The following ACTR2 variants were observed in gnomAD, a reference collection of about 807,000 sequenced individuals.
The protein encoded by ACTR2 is actin-related protein 2.
Under a neutral mutation model 50.2 loss-of-function variants are expected in ACTR2, and 5 were observed. The observed-to-expected ratio is 0.10, with a 90% CI of 0.05 to 0.21. The LOEUF (loss-of-function observed/expected upper bound fraction) is 0.21. ACTR2 is among the 10% of genes least tolerant of loss of function. The probability of loss-of-function intolerance (pLI) is 1.00; values close to 1 mark genes in which losing one functional copy is unlikely to be tolerated. For missense variants in ACTR2, 180 were observed against 480.6 expected (o/e 0.37, Z 5.85); for synonymous variants, 140 against 162.9 (o/e 0.86, Z 1.07).
At chr2:65,233,791 A>G (rs1484127035) in intron 1 of ACTR2, among the ~76,000 whole-genome samples, 1 of 151,900 alleles carries the variant, frequency 6.6e-6, no homozygotes, top group Non-Finnish European at 1.5e-5. Flanking sequence ...TTGTACTTTT[A>G]GTAGAGATGG....
rs186267227 is a variant in ACTR2 at position 65,261,152 on chromosome 2, A to G, written c.736-95A>G. ...ATTGTTGTTGGTAATGATTTTGGTT[A>G]CAGAACAGATGTATTTATAAGTACT... On this transcript the variant is annotated intron_variant, in intron 6 of 8. Transcript: ENST00000260641. The G allele has an allele frequency of 5.9e-4, 734 of 1,235,746 alleles. 4 individuals carry two copies. In the African/African-American group the frequency reaches 0.01, roughly 17 times the overall value. The allele number at this position is 1,235,746 out of a possible 1,614,324, so 76.5% of individuals were successfully genotyped here.
At position 65,236,878 on chromosome 2, in the gene ACTR2, A is replaced by G. The variant is rs72892658; in HGVS notation, c.49-2974A>G. 6.7e-3 allele frequency among the ~76,000 whole-genome samples: 1,018 copies of G among 152,156 alleles called. 20 individuals carry two copies. Among genetic ancestry groups the G allele is most frequent in the African/African-American group, 0.022 (933 of 41,510 alleles). ...AGAGGTACATTGCTCTTTTCTGTCT[A>G]CCTTTGTTTTATTACTGTCATGTAT... On this transcript the variant is annotated intron_variant, in intron 1 of 8. Transcript: ENST00000260641.
At chr2:65,248,035 C>G (rs1671972210) in intron 3 of ACTR2, among the ~76,000 whole-genome samples, 1 of 152,006 alleles carries the variant, frequency 6.6e-6, no homozygotes, top group African/African-American at 2.4e-5. Context: ...AGCAAGGAAG[C>G]CAGTGTGGTT....
intron 7 of ACTR2, among the ~76,000 whole-genome samples, chr2:65,262,940 T>C (rs1004065483): frequency 3.3e-5 from 5 of 151,674 alleles, no homozygotes; most frequent in Non-Finnish European, 5.9e-5. Flanking sequence ...CACTCCAGCC[T>C]GGGTGACAGA....
At chr2:65,252,316 T>C (rs941906717) in intron 4 of ACTR2, among the ~76,000 whole-genome samples, 1 of 152,038 alleles carries the variant, frequency 6.6e-6, no homozygotes. Flanking sequence ...ATGAGGCTTA[T>C]TGCATCAAGG....
At chr2:65,232,460 CAAACCA>C (rs779823087) in intron 1 of ACTR2, among the ~76,000 whole-genome samples, 17 of 152,142 alleles carry the variant, frequency 1.1e-4, no homozygotes, top group South Asian at 2.1e-4. Flanking sequence ...GAAACAGAAA[CAAACCA>C]AAACCAAATT....
intron 2 of ACTR2, among the ~76,000 whole-genome samples, chr2:65,241,521 C>A (rs1352238844): frequency 6.6e-6 from 1 of 152,138 alleles, no homozygotes; most frequent in Non-Finnish European, 1.5e-5. Context: ...TGGCTCAATT[C>A]TGTTCACTCT....
At chr2:65,236,948 G>A (rs543456610) in intron 1 of ACTR2, among the ~76,000 whole-genome samples, 4 of 152,146 alleles carry the variant, frequency 2.6e-5, no homozygotes, top group South Asian at 4.2e-4. Context: ...AGAATGTGTG[G>A]TGCCTGGAGC....
Position 65,246,662 on chromosome 2 carries a change from A to G in ACTR2, c.298A>G (p.Ile100Val). 2 of 1,613,698 alleles carry G rather than the reference A, an allele frequency of 1.2e-6. No individual in the cohort carries two copies. Among genetic ancestry groups the G allele is most frequent in the Non-Finnish European group, 1.7e-6 (2 of 1,179,812 alleles). The stretch of plus-strand genomic sequence containing the variant: ...CACATTTGGACCAGAGAAACTTAAT[A>G]TAGATACCAGAAATTGTAAAATCTT... Reference protein sequence around the residue: ...DYTFGPEKLNIDTRNCKILLT... With the variant: ...DYTFGPEKLNVDTRNCKILLT... The change falls in exon 3 of 9, where the codon ATA becomes GTA. Residue 100 changes from isoleucine to valine, a missense_variant. Physicochemically the swap from Ile to Val is conservative, Grantham distance 29. Transcript: ENST00000260641.
At chr2:65,233,305 T>A (rs1019025538) in intron 1 of ACTR2, among the ~76,000 whole-genome samples, 6 of 151,912 alleles carry the variant, frequency 3.9e-5, no homozygotes, top group African/African-American at 7.3e-5. Flanking sequence ...AGATTTTTTT[T>A]AATACTGATT....
At chr2:65,266,312 T>C (rs1478693323) in intron 8 of ACTR2, among the ~76,000 whole-genome samples, 1 of 152,182 alleles carries the variant, frequency 6.6e-6, no homozygotes, top group African/African-American at 2.4e-5. Context: ...GAAGTGACTT[T>C]TGATCAGAGA....
At chr2:65,246,257 G>A (rs574779875) in intron 2 of ACTR2, 7 of 249,626 alleles carry the variant, frequency 2.8e-5, no homozygotes, top group African/African-American at 4.5e-5. Context: ...ATATGAAAAT[G>A]TGGGGTTTAT....
intron 3 of ACTR2, among the ~76,000 whole-genome samples, chr2:65,250,810 A>C (rs576166663): frequency 5.3e-5 from 8 of 152,228 alleles, no homozygotes; most frequent in Admixed American, 4.6e-4. Flanking sequence ...CACGCTTATG[A>C]AATGCTTGGG....
intron 6 of ACTR2, among the ~76,000 whole-genome samples, chr2:65,259,845 A>G (rs1405246239): frequency 6.6e-6 from 1 of 152,192 alleles, no homozygotes; most frequent in East Asian, 1.9e-4. Context: ...ACTTAGGACA[A>G]TCCAGTGAAT....
chr2:65,268,442 T>A, intron 8 of ACTR2, 122 bp from the exon 9 acceptor site: 2 of 668,722 alleles, frequency 3.0e-6, no homozygotes, highest in Non-Finnish European at 4.7e-6. Flanking sequence ...AAATATTACG[T>A]TCTACTTATA....
intron 8 of ACTR2, 23 bp from the exon 9 acceptor site, chr2:65,268,541 A>AT: frequency 6.2e-7 from 1 of 1,604,336 alleles, no homozygotes; most frequent in South Asian, 1.1e-5. Flanking sequence ...GTACCATTTC[A>AT]TTATCCTTTC....
chr2:65,241,936 A>T, intron 2 of ACTR2: 1 of 1,393,950 alleles, frequency 7.2e-7, no homozygotes, highest in Non-Finnish European at 1.0e-6. Context: ...ACCTCAACCT[A>T]ATTGTCTCTA....
intron 3 of ACTR2, among the ~76,000 whole-genome samples, chr2:65,249,196 A>G (rs1254674593): frequency 2.6e-5 from 4 of 152,186 alleles, no homozygotes; most frequent in African/African-American, 9.6e-5. Flanking sequence ...GTTACTGTTT[A>G]ATGTACATAT....
intron 7 of ACTR2, among the ~76,000 whole-genome samples, chr2:65,261,888 C>T (rs758154639): frequency 5.9e-5 from 9 of 152,238 alleles, no homozygotes; most frequent in Non-Finnish European, 8.8e-5. Flanking sequence ...TCCACATCCT[C>T]GCCAGTATTC....
Sources: gnomAD v4.1 joint callset for allele counts (sites outside exome capture counted in the v4.1 genomes callset) on GRCh38, gnomAD v4.1.1 for gene constraint, MANE v1.5 for transcripts, NCBI Gene and HGNC (gene_info 2026-07-23, HGNC 2026-07-21) for gene names.